Variants in GOLGA4 observed in about 807,000 individuals in gnomAD.
The protein encoded by GOLGA4 is golgin subfamily A member 4.
In GOLGA4, 169 loss-of-function variants were observed where a neutral mutation model predicts 265.9. The observed-to-expected ratio is 0.64, with a 90% confidence interval of 0.56 to 0.72. The LOEUF (loss-of-function observed/expected upper bound fraction) is 0.72. Ranked by LOEUF, GOLGA4 falls within the 30% of genes least tolerant of loss-of-function variation. The pLI is 0.00. For synonymous variants in GOLGA4, 923 were observed against 855.8 expected (o/e 1.08, Z -1.37); for missense variants, 2,482 against 2,483.4 (o/e 1.00, Z 0.01).
intron 23 of GOLGA4, among the ~76,000 whole-genome samples, chr3:37,361,680 A>T (rs954446038): frequency 6.6e-6 from 1 of 152,248 alleles, no homozygotes; most frequent in African/African-American, 2.4e-5. Context: ...ATCATTTTCT[A>T]GATAAAAATG....
At chr3:37,296,915 C>T (rs2096880029) in intron 7 of GOLGA4, among the ~76,000 whole-genome samples, 1 of 152,098 alleles carries the variant, frequency 6.6e-6, no homozygotes, top group African/African-American at 2.4e-5. Flanking sequence ...TCTGTAACAC[C>T]ACATTTTCAT....
In GOLGA4 at chr3:37,329,012, G is replaced by A; in HGVS notation, c.6111G>A (p.Glu2037=). The A allele has an allele frequency of 6.2e-7, 1 of 1,610,570 alleles. No individual in the cohort carries two copies. Among genetic ancestry groups the A allele is most frequent in the Admixed American group, 1.7e-5 (1 of 59,690 alleles). The change falls in exon 16 of 24, where the codon GAG becomes GAA. Residue 2037 remains glutamate (E), a synonymous_variant. Coordinates refer to ENST00000361924, the MANE Select transcript of GOLGA4 (RefSeq NM_002078.5). ...EAELLESHQE[E]TNQLLKKIAE... is the part of the protein sequence containing the mutation. ...AACTTTTAGAAAGCCATCAAGAAGA[G>A]ACAAATCAGTTACTTAAAAAAATTG... is the stretch of plus-strand genomic sequence containing the variant.
In GOLGA4 at chr3:37,324,385, A is replaced by G. The variant is rs1379399895; in HGVS notation, c.2499A>G (p.Thr833=). The change falls in exon 14 of 24, where the codon ACA becomes ACG. Residue 833 remains threonine (T), a synonymous_variant. Coordinates refer to ENST00000361924, the MANE Select transcript of GOLGA4 (RefSeq NM_002078.5). ...QLQQKLLDLE[T]ERILLTKQVA... ...AGCAGAAGTTGTTGGATTTGGAAAC[A>G]GAAAGAATTCTTCTTACCAAACAGG... The G allele has an allele frequency of 1.2e-6, 2 of 1,614,214 alleles. 1 individual carries two copies. Among genetic ancestry groups the G allele is most frequent in the Admixed American group, 3.3e-5 (2 of 60,034 alleles).
intron 22 of GOLGA4, among the ~76,000 whole-genome samples, chr3:37,360,150 T>C (rs1001978109): frequency 6.6e-6 from 1 of 152,244 alleles, no homozygotes; most frequent in Non-Finnish European, 1.5e-5. Flanking sequence ...TTTTATTTTA[T>C]AAAAATGAGA....
rs1484351390 is a variant in GOLGA4 at position 37,276,206 on chromosome 3, A to G, written c.163-5752A>G. On this transcript the variant is annotated intron_variant, in intron 2 of 23. Transcript: ENST00000361924. ...TGATGAGGAAGAATTAGGATCTCAAATTGAAGAAGCTATATATCAAGAAAT... is the reference window on the plus strand; with the variant it reads ...TGATGAGGAAGAATTAGGATCTCAAGTTGAAGAAGCTATATATCAAGAAAT... 4 of 1,575,854 alleles carry G rather than the reference A, an allele frequency of 2.5e-6. No homozygotes were observed. In the African/African-American group the frequency reaches 5.4e-5, roughly 21 times the overall value.
At position 37,347,312 on chromosome 3, in the gene GOLGA4, C is replaced by A; in HGVS notation, c.6576+16C>A. 2 of 1,386,856 alleles carry A rather than the reference C, an allele frequency of 1.4e-6. No individual in the cohort carries two copies. Among genetic ancestry groups the A allele is most frequent in the Non-Finnish European group, 2.1e-6 (2 of 975,208 alleles). 85.9% of individuals were successfully genotyped at this position (1,386,856 alleles called of 1,614,324 possible). ...TGAGACTAAGGTATAAATCATGTCTCGTGATTTGGTGTGTGGCTTAATTTT... is the reference window on the plus strand; with the variant it reads ...TGAGACTAAGGTATAAATCATGTCTAGTGATTTGGTGTGTGGCTTAATTTT... On this transcript the variant is annotated intron_variant, in intron 21 of 23. Transcript: ENST00000361924.
intron 5 of GOLGA4, among the ~76,000 whole-genome samples, chr3:37,291,379 T>C (rs1271115862): frequency 6.6e-6 from 1 of 152,192 alleles, no homozygotes; most frequent in South Asian, 2.1e-4. Flanking sequence ...ACTTTACTCA[T>C]AGATGAGTAA....
chr3:37,341,679 A>G (rs1197954868), intron 20 of GOLGA4: 1 of 152,234 alleles, frequency 6.6e-6, no homozygotes, highest in Non-Finnish European at 1.5e-5. Flanking sequence ...GAATGCTCCC[A>G]ATCTCATCTG....
At chr3:37,317,318 T>C (rs2096940594) in intron 11 of GOLGA4, among the ~76,000 whole-genome samples, 2 of 152,076 alleles carry the variant, frequency 1.3e-5, no homozygotes, top group Admixed American at 6.6e-5. Flanking sequence ...TACAGGCGTG[T>C]GCCATCACGC....
rs62241901 is a variant in GOLGA4, at chr3:37,366,173, G to T, written c.*127G>T. 0.36 allele frequency: 470,703 copies of T among 1,295,486 alleles called. 89,681 individuals carry two copies. The highest frequency in any genetic ancestry group is 0.4 in the Non-Finnish European group (386,647 of 959,116). 80.2% of individuals were successfully genotyped at this position (1,295,486 alleles called of 1,614,324 possible). ...CTTGCTACTCTTTGAGAATGAAGTT[G>T]TCATTCAGGGCCCCTCATGTAGCCA... On this transcript the variant is annotated 3_prime_UTR_variant, in exon 24 of 24. Coordinates refer to ENST00000361924, the MANE Select transcript of GOLGA4 (RefSeq NM_002078.5).
intron 2 of GOLGA4, among the ~76,000 whole-genome samples, chr3:37,281,635 A>G (rs1421593089): frequency 6.6e-6 from 1 of 152,154 alleles, no homozygotes; most frequent in Non-Finnish European, 1.5e-5. Context: ...GAATCCTCAC[A>G]ATACACCTGT....
At chr3:37,347,560 GAAT>G (rs1485835580) in intron 21 of GOLGA4, among the ~76,000 whole-genome samples, 2 of 152,038 alleles carry the variant, frequency 1.3e-5, no homozygotes, top group Non-Finnish European at 2.9e-5. Flanking sequence ...ATTAACATAA[GAAT>G]AATTTGTGAA....
chr3:37,363,062 G>C (rs1010049055), intron 23 of GOLGA4, among the ~76,000 whole-genome samples: 7 of 152,036 alleles, frequency 4.6e-5, no homozygotes, highest in African/African-American at 1.7e-4. Context: ...GATTACAGGC[G>C]TGAGCCACTG....
chr3:37,327,249 A>G lies in GOLGA4; in HGVS notation c.5363A>G (p.His1788Arg). 6.2e-7 allele frequency: 1 copy of G among 1,613,902 alleles called. No individual in the cohort carries two copies. Among genetic ancestry groups the G allele is most frequent in the Admixed American group, 1.7e-5 (1 of 60,006 alleles). The change falls in exon 14 of 24, where the codon CAT (histidine) becomes CGT (arginine). Residue 1788 changes from histidine to arginine, a missense_variant. Transcript: ENST00000361924. ...CTAGAACATGCTGAGGCAAAGCAAC[A>G]TGAAGATCAAAGTATGATAGGTCAT... Reference protein sequence around the residue: ...IKLEHAEAKQHEDQSMIGHLQ... With the variant: ...IKLEHAEAKQREDQSMIGHLQ...
At chr3:37,318,900 T>G (rs1251676946) in intron 11 of GOLGA4, among the ~76,000 whole-genome samples, 163 bp from the exon 12 acceptor site, 1 of 152,248 alleles carries the variant, frequency 6.6e-6, no homozygotes, top group African/African-American at 2.4e-5. Context: ...TATCATGGCT[T>G]TGATGACTTT....
At chr3:37,318,312 G>A (rs565627522) in intron 11 of GOLGA4, among the ~76,000 whole-genome samples, 1 of 152,202 alleles carries the variant, frequency 6.6e-6, no homozygotes, top group Admixed American at 6.5e-5. Flanking sequence ...CTCCCAAAGT[G>A]CTGGGATTAC....
intron 10 of GOLGA4, among the ~76,000 whole-genome samples, chr3:37,311,057 A>T (rs1403119448): frequency 1.3e-5 from 2 of 152,116 alleles, no homozygotes; most frequent in African/African-American, 4.8e-5. Flanking sequence ...CACTTTTAGA[A>T]TATTAGTAGG....
At chr3:37,318,060 AT>A (rs59697758) in intron 11 of GOLGA4, among the ~76,000 whole-genome samples, 8 of 144,816 alleles carry the variant, frequency 5.5e-5, no homozygotes, top group African/African-American at 5.1e-5. Context: ...TTATGGTTTC[AT>A]TTTTTTTTTA....
chr3:37,313,965 A>AT (rs747977743), intron 10 of GOLGA4, among the ~76,000 whole-genome samples: 50,682 of 143,296 alleles, frequency 0.35, 9,263 homozygotes, highest in Non-Finnish European at 0.41. Flanking sequence ...ACACACATGT[A>AT]TTTTTTTTTT....
Sources: gnomAD v4.1 joint callset for allele counts (sites outside exome capture counted in the v4.1 genomes callset) on GRCh38, gnomAD v4.1.1 for gene constraint, MANE v1.5 for transcripts, NCBI Gene and HGNC (gene_info 2026-07-23, HGNC 2026-07-21) for gene names.